Variants in ADGRG7 observed in about 807,000 individuals in gnomAD.
ADGRG7 encodes G-protein coupled receptor 128.
ADGRG7 carries 82 observed loss-of-function variants against 88.6 expected under a neutral mutation model. The observed-to-expected ratio is 0.93, with a 90% CI of 0.77 to 1.11. The LOEUF (loss-of-function observed/expected upper bound fraction) is 1.11, where lower values mean the gene tolerates loss of function less well. Ranked by LOEUF, ADGRG7 falls within the 50% of genes most tolerant of loss-of-function variation. The pLI is 0.00. For synonymous variants in ADGRG7, 381 were observed against 345.2 expected (o/e 1.10, Z -1.15); for missense variants, 945 against 953.4 (o/e 0.99, Z 0.12).
intron 13 of ADGRG7, among the ~76,000 whole-genome samples, chr3:100,656,335 A>G (rs2094937470): frequency 6.6e-6 from 1 of 152,250 alleles, no homozygotes; most frequent in South Asian, 2.1e-4. Flanking sequence ...GAAAATGGGA[A>G]TAACAATAAT....
chr3:100,683,994 G>A (rs1208144430), intron 15 of ADGRG7, among the ~76,000 whole-genome samples: 3 of 151,966 alleles, frequency 2.0e-5, no homozygotes, highest in Non-Finnish European at 4.4e-5. Flanking sequence ...GAAATTTATG[G>A]ATATGGTATT....
At chr3:100,666,962 T>C (rs892548535) in intron 14 of ADGRG7, among the ~76,000 whole-genome samples, 3 of 152,268 alleles carry the variant, frequency 2.0e-5, no homozygotes, top group Middle Eastern at 3.4e-3. Flanking sequence ...AGCACGGGGT[T>C]GGGGGTAAGG....
chr3:100,636,214 C>A (rs1379026161), intron 5 of ADGRG7, among the ~76,000 whole-genome samples: 1 of 152,082 alleles, frequency 6.6e-6, no homozygotes, highest in Admixed American at 6.6e-5. Flanking sequence ...AGGCACACAC[C>A]ACCACACCTG....
In ADGRG7 at chr3:100,629,701, A is replaced by G. The variant is rs745500303; in HGVS notation, c.219A>G (p.Arg73=). 2 of 1,604,194 alleles carry G rather than the reference A, an allele frequency of 1.2e-6. No homozygotes were observed. The highest frequency in any genetic ancestry group is 1.7e-6 in the Non-Finnish European group (2 of 1,171,322). ...CICTEEWKGL[R]CTIANFCENS... ...GTACAGAAGAGTGGAAAGGACTGAG[A>G]TGTACAATTGGTAAATTACTTGGGA... The change falls in exon 2 of 16, where the codon AGA becomes AGG. Residue 73 remains arginine, a synonymous_variant. Transcript: ENST00000273352.
rs372870298 is a variant in ADGRG7, at chr3:100,643,330, A to G, written c.763A>G (p.Ile255Val). 8 of 1,613,982 alleles carry G rather than the reference A, an allele frequency of 5.0e-6. No individual in the cohort carries two copies. The African/African-American group carries it at 9.3e-5, about 19-fold the overall frequency. ...LGNQSVVEPN[I>V]AIQSANFSSE... ...TAATCAATCAGTGGTGGAACCTAACATAGCAATACAGTCAGCAAATTTCTC... is the reference window on the plus strand; with the variant it reads ...TAATCAATCAGTGGTGGAACCTAACGTAGCAATACAGTCAGCAAATTTCTC... Residue 255 changes from isoleucine (I) to valine (V), a missense_variant, in exon 7 of 16, where the codon ATA becomes GTA. Physicochemically the swap from Ile to Val is conservative, Grantham distance 29 (BLOSUM62 3). Transcript: ENST00000273352.
chr3:100,681,566 C>G (rs2094973424), intron 15 of ADGRG7, among the ~76,000 whole-genome samples: 1 of 152,152 alleles, frequency 6.6e-6, no homozygotes. Context: ...CCATCTCAGA[C>G]TCCCAAAGTG....
Position 100,655,131 on chromosome 3 carries a change from T to C in ADGRG7, c.1676T>C (p.Met559Thr). Residue 559 changes from methionine to threonine, a missense_variant, in exon 12 of 16, where the codon ATG becomes ACG. Transcript: ENST00000273352. Reference sequence around the variant, plus strand: ...CTCTATTACCTTCTAATAAGGACCATGAAGCCTCTTCCTCGGCATTTCATT... The same window carrying C: ...CTCTATTACCTTCTAATAAGGACCACGAAGCCTCTTCCTCGGCATTTCATT... ...AQLYYLLIRT[M>T]KPLPRHFILF... The C allele has an allele frequency of 6.2e-7, 1 of 1,613,756 alleles. No homozygotes were observed. The highest frequency in any genetic ancestry group is 8.5e-7 in the Non-Finnish European group (1 of 1,179,688).
chr3:100,670,697 G>A (rs897214908), intron 15 of ADGRG7, among the ~76,000 whole-genome samples: 2 of 152,034 alleles, frequency 1.3e-5, no homozygotes, highest in African/African-American at 4.8e-5. Flanking sequence ...TTCTCCTAAT[G>A]CTATCCCTTC....
chr3:100,645,826 T>G, intron 8 of ADGRG7, 119 bp from the exon 9 acceptor site: 1 of 880,552 alleles, frequency 1.1e-6, no homozygotes, highest in Admixed American at 2.9e-5. Flanking sequence ...CAGTAAACCA[T>G]TTTTACTGTA....
chr3:100,671,695 C>T (rs2094958865), intron 15 of ADGRG7, among the ~76,000 whole-genome samples: 1 of 152,148 alleles, frequency 6.6e-6, no homozygotes, highest in African/African-American at 2.4e-5. Context: ...TTAGGTCTTA[C>T]ATTTAAGTCT....
At chr3:100,644,080 T>C (rs1316249459) in intron 8 of ADGRG7, among the ~76,000 whole-genome samples, 1 of 152,218 alleles carries the variant, frequency 6.6e-6, no homozygotes, top group East Asian at 1.9e-4. Context: ...GTATCAATTT[T>C]AGGTTATCTC....
rs2094942855 is a variant in ADGRG7 at position 100,659,822 on chromosome 3, A to G, written c.1958A>G (p.Lys653Arg). 5 of 1,613,812 alleles carry G rather than the reference A, an allele frequency of 3.1e-6. No homozygotes were observed. The highest frequency in any genetic ancestry group is 4.2e-6 in the Non-Finnish European group (5 of 1,179,944). ...ACAATCTCGATCAAAGTGCTGTGGA[A>G]GAATAACCAGAACCTGACAAGGTAA... The part of the protein sequence containing the change: ...FITISIKVLW[K>R]NNQNLTSTKK... Residue 653 changes from lysine (K) to arginine (R), a missense_variant, in exon 14 of 16, where the codon AAG becomes AGG. Coordinates refer to ENST00000273352, the MANE Select transcript of ADGRG7 (RefSeq NM_032787.3).
In ADGRG7 at chr3:100,634,712, C is replaced by G. The variant is rs144999703; in HGVS notation, c.448-965C>G. Among the ~76,000 whole-genome samples, 4 of 152,302 alleles carry G rather than the reference C, an allele frequency of 2.6e-5. No individual in the cohort carries two copies. The South Asian group carries it at 8.3e-4, about 32-fold the overall frequency. ...ATGCTAAATTTGGAATCTGGCAAAC[C>G]AGTGTTTGGTTCTTAGCTCTGCCAC... On this transcript the variant is annotated intron_variant, in intron 4 of 15. Transcript: ENST00000273352.
intron 5 of ADGRG7, among the ~76,000 whole-genome samples, chr3:100,636,458 T>G (rs1291678930): frequency 6.6e-6 from 1 of 152,208 alleles, no homozygotes; most frequent in Non-Finnish European, 1.5e-5. Context: ...ATTCCTGATA[T>G]TTTAATTTGC....
intron 9 of ADGRG7, 67 bp from the exon 10 acceptor site, chr3:100,646,502 A>G (rs1707749085): frequency 1.6e-6 from 2 of 1,277,356 alleles, no homozygotes; most frequent in Admixed American, 1.9e-5. Context: ...GTCTTATACT[A>G]CTTGATTTTT....
chr3:100,688,121 G>C (rs1427770655), intron 15 of ADGRG7, among the ~76,000 whole-genome samples: 1 of 151,974 alleles, frequency 6.6e-6, no homozygotes, highest in Non-Finnish European at 1.5e-5. Context: ...TGTATGTGTC[G>C]AGGAATTTAT....
intron 15 of ADGRG7, among the ~76,000 whole-genome samples, chr3:100,692,472 C>T (rs1559695561): frequency 1.3e-5 from 2 of 152,062 alleles, no homozygotes; most frequent in South Asian, 2.1e-4. Flanking sequence ...TTTCTCTTCT[C>T]CATGCATAGG....
Position 100,649,678 on chromosome 3 carries a change from C to A in ADGRG7, c.1267-17C>A. On this transcript the variant is annotated splice_polypyrimidine_tract_variant and intron_variant, in intron 10 of 15. Coordinates refer to ENST00000273352, the MANE Select transcript of ADGRG7 (RefSeq NM_032787.3). ...GGGATGACTAATTAAAAATATGAGT[C>A]TTACCTTGTTTTTCAGACTTTCAAA... 7.2e-7 allele frequency: 1 copy of A among 1,395,858 alleles called. No individual in the cohort carries two copies. The highest frequency in any genetic ancestry group is 1.2e-5 in the South Asian group (1 of 85,198). The allele number at this position is 1,395,858 out of a possible 1,614,324, so 86.5% of individuals were successfully genotyped here.
chr3:100,617,993 T>C (rs537752693), intron 1 of ADGRG7, among the ~76,000 whole-genome samples: 78 of 152,360 alleles, frequency 5.1e-4, no homozygotes, highest in Middle Eastern at 3.4e-3. Flanking sequence ...TTCATGTGTC[T>C]ATTGGCTGCA....
Sources: gnomAD v4.1 joint callset for allele counts (sites outside exome capture counted in the v4.1 genomes callset) on GRCh38, gnomAD v4.1.1 for gene constraint, MANE v1.5 for transcripts, NCBI Gene and HGNC (gene_info 2026-07-23, HGNC 2026-07-21) for gene names.